TAFA2: variants seen among roughly 807,000 people sequenced by gnomAD.
The protein encoded by TAFA2 is TAFA chemokine like family member 2, also known as chemokine-like protein TAFA-2.
TAFA2 carries 7 observed loss-of-function variants against 18.8 expected under a neutral mutation model. The observed-to-expected ratio is 0.37, with a 90% CI of 0.21 to 0.70. TAFA2 has a LOEUF of 0.70. Among genes scored for constraint, TAFA2 ranks in the 30% least tolerant of loss-of-function variants. The pLI, the probability that TAFA2 is intolerant of heterozygous loss-of-function variation, is 0.53. For missense variants in TAFA2, 122 were observed against 158.1 expected (o/e 0.77, Z 1.23); for synonymous variants, 60 against 54.2 (o/e 1.11, Z -0.47).
chr12:61,854,735 G>A (rs1282569114), intron 2 of TAFA2, among the ~76,000 whole-genome samples: 1 of 151,996 alleles, frequency 6.6e-6, no homozygotes, highest in African/African-American at 2.4e-5. Context: ...TCCATACCCA[G>A]CCAAACTATC....
upstream of TAFA2, among the ~76,000 whole-genome samples, chr12:62,196,111 T>G (rs1285828127): frequency 6.6e-6 from 1 of 152,228 alleles, no homozygotes; most frequent in Non-Finnish European, 1.5e-5. Context: ...TTAAATCTCA[T>G]GAACCAACCT....
chr12:62,037,622 A>G (rs1179948071), intron 1 of TAFA2, among the ~76,000 whole-genome samples: 1 of 152,234 alleles, frequency 6.6e-6, no homozygotes, highest in African/African-American at 2.4e-5. Context: ...CTTATGGAAT[A>G]AAACTCATCG....
chr12:61,850,307 T>A (rs1873589680), intron 2 of TAFA2, among the ~76,000 whole-genome samples: 1 of 151,992 alleles, frequency 6.6e-6, no homozygotes, highest in Admixed American at 6.6e-5. Flanking sequence ...TTCAATAATT[T>A]TTTTTACTTC....
chr12:62,000,759 T>A (rs774119131), intron 1 of TAFA2, among the ~76,000 whole-genome samples: 1 of 152,236 alleles, frequency 6.6e-6, no homozygotes, highest in Non-Finnish European at 1.5e-5. Flanking sequence ...GCAATGCAAA[T>A]AACGTATTGT....
At chr12:62,145,524 T>G (rs2062274228) in intron 1 of TAFA2, 1 of 152,126 alleles carries the variant, frequency 6.6e-6, no homozygotes, top group South Asian at 2.1e-4. Flanking sequence ...ACCACTGATA[T>G]AAGGGACCTA....
intron 1 of TAFA2, among the ~76,000 whole-genome samples, chr12:62,091,341 T>C (rs562902338): frequency 2.0e-5 from 3 of 152,152 alleles, no homozygotes; most frequent in Admixed American, 1.3e-4. Flanking sequence ...ATGCTTTGTA[T>C]GTAGTAGATA....
intron 1 of TAFA2, among the ~76,000 whole-genome samples, chr12:62,125,565 C>T (rs1175246205): frequency 6.6e-6 from 1 of 152,082 alleles, no homozygotes; most frequent in Non-Finnish European, 1.5e-5. Context: ...TTTAGTTTCC[C>T]AAATGCTCAC....
chr12:61,821,681 C>A (rs1275061550), intron 2 of TAFA2, among the ~76,000 whole-genome samples: 2 of 152,072 alleles, frequency 1.3e-5, no homozygotes, highest in Non-Finnish European at 2.9e-5. Context: ...CTATCCAGCA[C>A]ATCTTCAAGA....
chr12:62,007,591 G>T (rs1267526253), intron 1 of TAFA2, among the ~76,000 whole-genome samples: 3 of 152,104 alleles, frequency 2.0e-5, no homozygotes, highest in Admixed American at 1.3e-4. Flanking sequence ...ATGACTTCCA[G>T]GGCCCCATTC....
intron 1 of TAFA2, among the ~76,000 whole-genome samples, chr12:62,203,058 C>T (rs1482056044): frequency 6.6e-6 from 1 of 151,980 alleles, no homozygotes; most frequent in East Asian, 1.9e-4. Flanking sequence ...AACTCCTGAC[C>T]TCAAGTGATT....
intron 1 of TAFA2, among the ~76,000 whole-genome samples, chr12:62,141,367 T>C (rs371511680): frequency 1.3e-5 from 2 of 152,178 alleles, no homozygotes; most frequent in African/African-American, 4.8e-5. Flanking sequence ...GTGGTTCCAG[T>C]TGTTTCTGCT....
intron 1 of TAFA2, among the ~76,000 whole-genome samples, chr12:61,962,918 G>A (rs568265065): frequency 6.6e-6 from 1 of 151,068 alleles, no homozygotes; most frequent in Admixed American, 6.6e-5. Context: ...CCAGCCAACA[G>A]GCTGTGTCCA....
chr12:62,215,835 A>G (rs536298959), intron 1 of TAFA2, among the ~76,000 whole-genome samples: 1 of 151,954 alleles, frequency 6.6e-6, no homozygotes, highest in East Asian at 1.9e-4. Flanking sequence ...ATTTGTAGAC[A>G]GAGAGCTCTT....
chr12:61,941,818 G>C (rs954020930), intron 1 of TAFA2, among the ~76,000 whole-genome samples: 2 of 152,120 alleles, frequency 1.3e-5, no homozygotes, highest in Non-Finnish European at 2.9e-5. Flanking sequence ...ACGGAATCTC[G>C]CTGATTGCTA....
At chr12:62,111,937 A>G (rs1156625373) in intron 1 of TAFA2, among the ~76,000 whole-genome samples, 1 of 152,134 alleles carries the variant, frequency 6.6e-6, no homozygotes, top group Non-Finnish European at 1.5e-5. Flanking sequence ...TTGACTCTTT[A>G]TCCAATTTGC....
chr12:61,846,834 T>G (rs1179525845), intron 2 of TAFA2, among the ~76,000 whole-genome samples: 2 of 152,190 alleles, frequency 1.3e-5, no homozygotes, highest in Non-Finnish European at 2.9e-5. Flanking sequence ...ACTGTGACAT[T>G]AGTGTGGTAA....
chr12:62,235,505 C>T (rs1335950057), intron 1 of TAFA2: 9 of 555,114 alleles, frequency 1.6e-5, no homozygotes, highest in African/African-American at 1.2e-4. Context: ...AGCCTGTGGT[C>T]GGCTGTACAT....
At chr12:61,928,994 A>C (rs954597434) in intron 1 of TAFA2, among the ~76,000 whole-genome samples, 1 of 151,616 alleles carries the variant, frequency 6.6e-6, no homozygotes, top group Non-Finnish European at 1.5e-5. Context: ...AACATCACAC[A>C]CTGAGGCCTG....
At chr12:62,177,159 G>A (rs1461741072) in intron 1 of TAFA2, among the ~76,000 whole-genome samples, 2 of 152,242 alleles carry the variant, frequency 1.3e-5, no homozygotes, top group Non-Finnish European at 2.9e-5. Context: ...TCCCTTCAGA[G>A]TGTTCCTGTC....
Sources: gnomAD v4.1 joint callset for allele counts (sites outside exome capture counted in the v4.1 genomes callset) on GRCh38, gnomAD v4.1.1 for gene constraint, MANE v1.5 for transcripts, NCBI Gene and HGNC (gene_info 2026-07-23, HGNC 2026-07-21) for gene names.